The following PPP1R10 variants were observed in gnomAD, a reference collection of about 807,000 sequenced individuals.
PPP1R10 encodes the protein protein phosphatase 1 regulatory subunit 10.
PPP1R10 carries 15 observed loss-of-function variants against 99.0 expected under a neutral mutation model. The ratio of observed to expected loss-of-function variants is 0.15; its 90% CI spans 0.10 to 0.23. The LOEUF (loss-of-function observed/expected upper bound fraction) is 0.23. PPP1R10 is among the 10% of genes least tolerant of loss of function. PPP1R10 has a pLI of 1.00. For synonymous variants in PPP1R10, 430 were observed against 449.5 expected (o/e 0.96, Z 0.55); for missense variants, 947 against 1,259.4 (o/e 0.75, Z 3.75).
intron 2 of PPP1R10, among the ~76,000 whole-genome samples, chr6:30,611,996 G>A (rs188655235): frequency 2.0e-5 from 3 of 152,204 alleles, no homozygotes; most frequent in African/African-American, 7.2e-5. Context: ...AAAGAGATAC[G>A]ATAAAGGGAC....
At position 30,604,464 on chromosome 6, in the gene PPP1R10, C is replaced by T. The variant is rs149335457; in HGVS notation, c.1150G>A (p.Gly384Arg). The T allele has an allele frequency of 1.9e-6, 3 of 1,612,978 alleles. No homozygotes were observed. Among genetic ancestry groups the T allele is most frequent in the Non-Finnish European group, 2.5e-6 (3 of 1,180,028 alleles). Reference sequence around the variant, plus strand: ...TTCCGGGTCAGTTGGTTAGGATCTCCAGGACTCTCCACTGGCTTGGCATCC... The same window carrying T: ...TTCCGGGTCAGTTGGTTAGGATCTCTAGGACTCTCCACTGGCTTGGCATCC... ...ALDAKPVESP[G>R]DPNQLTRKGR... is the part of the protein sequence containing the mutation. Residue 384 changes from glycine (G) to arginine (R), a missense_variant, in exon 13 of 20, where the codon GGA becomes AGA. Around this residue, in one of 10 missense-constraint regions of PPP1R10, gnomAD observed 100 missense variants for 105.8 expected, o/e 0.94. Coordinates refer to ENST00000376511, the MANE Select transcript of PPP1R10 (RefSeq NM_002714.4). This position sits in a 1 kb window ranked among gnomAD's most constrained non-coding sequence, Gnocchi z 7.3.
intron 2 of PPP1R10, among the ~76,000 whole-genome samples, chr6:30,610,449 T>C (rs1297096243): frequency 1.3e-5 from 2 of 152,344 alleles, no homozygotes; most frequent in Admixed American, 1.3e-4. Context: ...ACTTGAGTCC[T>C]TTTTATCTTA....
Position 30,602,309 on chromosome 6 carries a change from C to G in PPP1R10, c.2340G>C (p.Gly780=), listed in dbSNP as rs1803422779. The change falls in exon 19 of 20, where the codon GGG becomes GGC. Residue 780 remains glycine (G), a synonymous_variant. Coordinates refer to ENST00000376511, the MANE Select transcript of PPP1R10 (RefSeq NM_002714.4). This position sits in a 1 kb window ranked among gnomAD's most constrained non-coding sequence, Gnocchi z 6.7. The part of the protein sequence containing the change: ...HEGPGGGMGS[G]HRPHEGPGGS... Reference sequence around the variant, plus strand: ...CACCAGGGCCTTCATGGGGGCGATGCCCACTTCCCATGCCACCGCCAGGGC... The same window carrying G: ...CACCAGGGCCTTCATGGGGGCGATGGCCACTTCCCATGCCACCGCCAGGGC... 1 of 1,608,404 alleles carries G rather than the reference C, an allele frequency of 6.2e-7. No homozygotes were observed.
chr6:30,609,936 C>G lies in PPP1R10; in HGVS notation c.9G>C (p.Ser3=), dbSNP rs746354550. 2.5e-6 allele frequency: 4 copies of G among 1,613,502 alleles called. No homozygotes were observed. The highest frequency in any genetic ancestry group is 1.1e-5 in the South Asian group (1 of 91,070). MG[S]GPIDPKELLK... is the part of the protein sequence containing the mutation. ...GAAGTTCTTTGGGGTCTATGGGACC[C>G]GAACCCATGATGGTGGTTTCTATGG... is the stretch of plus-strand genomic sequence containing the variant. Residue 3 remains serine, a synonymous_variant, in exon 3 of 20, where the codon TCG becomes TCC. Transcript: ENST00000376511. This position sits in a 1 kb window ranked among gnomAD's most constrained non-coding sequence, Gnocchi z 4.5.
At position 30,606,009 on chromosome 6, in the gene PPP1R10, G is replaced by A. The variant is rs368722075; in HGVS notation, c.767C>T (p.Thr256Ile). The change falls in exon 10 of 20, where the codon ACT (threonine) becomes ATT (isoleucine). Residue 256 changes from threonine (T) to isoleucine (I), a missense_variant. Transcript: ENST00000376511. This position sits in a 1 kb window ranked among gnomAD's most constrained non-coding sequence, Gnocchi z 6.3. ...QSNVAAPGDATPPAEKKYKPL... is the reference protein window; with the variant it reads ...QSNVAAPGDAIPPAEKKYKPL... ...CTTGTATTTCTTCTCTGCAGGGGGA[G>A]TGGCATCTCCTGGAGCAGCTACGTT... 1.4e-5 allele frequency: 22 copies of A among 1,613,954 alleles called. No homozygotes were observed. In the Admixed American group the frequency reaches 1.5e-4, roughly 11 times the overall value.
intron 17 of PPP1R10, 96 bp from the exon 18 acceptor site, chr6:30,603,055 C>G (rs1803537523): frequency 6.6e-6 from 9 of 1,373,992 alleles, no homozygotes; most frequent in Non-Finnish European, 8.0e-6. Flanking sequence ...TCAAACCAAC[C>G]TGGCAGAGCA....
Position 30,606,784 on chromosome 6 carries a change from G to C in PPP1R10, c.455C>G (p.Pro152Arg). 6.2e-7 allele frequency: 1 copy of C among 1,613,980 alleles called. No homozygotes were observed. The highest frequency in any genetic ancestry group is 2.2e-5 in the East Asian group (1 of 44,880). ...TAAAGGACTAAGGAGCTTACCAGCA[G>C]GCTGGGTACTGCTCTGAGAGCGGAT... ...AVIRSQSSTQ[P>R]AEKDKKKRKD... The change falls in exon 7 of 20, where the codon CCT (proline) becomes CGT (arginine). Residue 152 changes from proline to arginine, a missense_variant. Pro to Arg is a moderately radical substitution (Grantham distance 103). Transcript: ENST00000376511. This position sits in a 1 kb window ranked among gnomAD's most constrained non-coding sequence, Gnocchi z 6.3.
In PPP1R10 at chr6:30,609,198, G is replaced by T; in HGVS notation, c.108-35C>A. The stretch of plus-strand genomic sequence containing the variant: ...ATGAGTTAGGGTTAGAAATGAAGCA[G>T]CCAGTATCTCTTCTCTTAGCAAAAG... On this transcript the variant is annotated intron_variant, in intron 3 of 19. Transcript: ENST00000376511. The surrounding 1 kb of genome is among the most constrained non-coding windows in gnomAD (Gnocchi z 4.5). 1 of 1,599,204 alleles carries T rather than the reference G, an allele frequency of 6.3e-7. No homozygotes were observed. Among genetic ancestry groups the T allele is most frequent in the Non-Finnish European group, 8.6e-7 (1 of 1,167,614 alleles).
intron 5 of PPP1R10, among the ~76,000 whole-genome samples, chr6:30,608,348 C>T (rs1258679274): frequency 6.7e-6 from 1 of 149,340 alleles, no homozygotes; most frequent in East Asian, 2.0e-4. Flanking sequence ...GTCGCCCAGG[C>T]TGGAGTGCAG....
At chr6:30,605,841 C>CA (rs1440422268) in intron 10 of PPP1R10, 82 bp downstream of exon 10, 1 of 1,332,488 alleles carries the variant, frequency 7.5e-7, no homozygotes, top group African/African-American at 1.7e-5. Context: ...GCCTGGGTGA[C>CA]AGAGTGAGAC....
rs1803299805 is a variant in PPP1R10, at chr6:30,601,430, G to T, written c.*119C>A. 2 of 787,894 alleles carry T rather than the reference G, an allele frequency of 2.5e-6. No homozygotes were observed. The highest frequency in any genetic ancestry group is 4.1e-6 in the Non-Finnish European group (2 of 484,860). The allele number at this position is 787,894 out of a possible 1,614,324, so 48.8% of individuals were successfully genotyped here. On this transcript the variant is annotated 3_prime_UTR_variant, in exon 20 of 20. Coordinates refer to ENST00000376511, the MANE Select transcript of PPP1R10 (RefSeq NM_002714.4). ...GAACCCAAGCAAGTGGGAACTGAGG[G>T]GGCCGGCTCCTCATCAGCTGGGGAA...
Position 30,602,083 on chromosome 6 carries a change from G to A in PPP1R10, c.2566C>T (p.Pro856Ser). ...ACATCATGAGGCCGGTGGCCATGGGGCCCCCCGTGTCCAGGGCCTTCATGG... is the reference window on the plus strand; with the variant it reads ...ACATCATGAGGCCGGTGGCCATGGGACCCCCCGTGTCCAGGGCCTTCATGG... ...RPHEGPGHGGPHGHRPHDVPG... is the reference protein window; with the variant it reads ...RPHEGPGHGGSHGHRPHDVPG... The change falls in exon 19 of 20, where the codon CCC becomes TCC. Residue 856 changes from proline to serine, a missense_variant. Physicochemically the swap from Pro to Ser is moderately conservative, Grantham distance 74. Coordinates refer to ENST00000376511, the MANE Select transcript of PPP1R10 (RefSeq NM_002714.4). The surrounding 1 kb of genome is among the most constrained non-coding windows in gnomAD (Gnocchi z 6.7). The A allele has an allele frequency of 6.3e-7, 1 of 1,579,326 alleles. No individual in the cohort carries two copies. The highest frequency in any genetic ancestry group is 8.6e-7 in the Non-Finnish European group (1 of 1,159,906).
Position 30,602,503 on chromosome 6 carries a change from G to A in PPP1R10, c.2146C>T (p.Pro716Ser). 1 of 1,575,298 alleles carries A rather than the reference G, an allele frequency of 6.3e-7. No homozygotes were observed. Among genetic ancestry groups the A allele is most frequent in the Non-Finnish European group, 8.6e-7 (1 of 1,158,608 alleles). ...CCTCGGAATGGAGGAGGAGGAGGAG[G>A]AGGTTCGTTTCCTCCTCGGCCACCT... The part of the protein sequence containing the change: ...GRGGRGGNEP[P>S]PPPPPFRGAR... Residue 716 changes from proline (P) to serine (S), a missense_variant, in exon 19 of 20, where the codon CCT becomes TCT. This residue lies in a region of PPP1R10 where 525 missense variants were observed against 578.8 expected (regional missense o/e 0.91). Coordinates refer to ENST00000376511, the MANE Select transcript of PPP1R10 (RefSeq NM_002714.4). The surrounding 1 kb of genome is among the most constrained non-coding windows in gnomAD (Gnocchi z 6.7).
Position 30,617,243 on chromosome 6 carries a change from T to C in PPP1R10, c.-552A>G, listed in dbSNP as rs1307786405. The C allele has an allele frequency of 6.5e-6, 1 of 153,512 alleles. No homozygotes were observed. The highest frequency in any genetic ancestry group is 1.5e-5 in the Non-Finnish European group (1 of 68,476). The allele number at this position is 153,512 out of a possible 1,614,324, so 9.5% of individuals were successfully genotyped here. On this transcript the variant is annotated 5_prime_UTR_variant, in exon 1 of 20. Coordinates refer to ENST00000376511, the MANE Select transcript of PPP1R10 (RefSeq NM_002714.4). ...ACTTACCTCTAAACGAACCCCAGAA[T>C]GGCGGCCGCCCGCTCGGGTGGAGTC...
intron 17 of PPP1R10, 99 bp from the exon 18 acceptor site, chr6:30,603,058 G>T: frequency 1.5e-6 from 2 of 1,353,264 alleles, no homozygotes; most frequent in Non-Finnish European, 2.1e-6. Context: ...AACCAACCTG[G>T]CAGAGCAATG....
At position 30,604,092 on chromosome 6, in the gene PPP1R10, G is replaced by T. The variant is rs779493275; in HGVS notation, c.1424C>A (p.Thr475Asn). 2.5e-6 allele frequency: 4 copies of T among 1,614,002 alleles called. No individual in the cohort carries two copies. The highest frequency in any genetic ancestry group is 2.5e-6 in the Non-Finnish European group (3 of 1,179,988). The stretch of plus-strand genomic sequence containing the variant: ...TCGCTCCTGACTATTGCTTCCAGGG[G>T]TGACAAGAGGTGAGGGCAGAACCAG... ...RPLVLPSPLV[T>N]PGSNSQERYI... The change falls in exon 14 of 20, where the codon ACC becomes AAC. Residue 475 changes from threonine (T) to asparagine (N), a missense_variant. This residue lies in a region of PPP1R10 where 50 missense variants were observed against 78.6 expected (regional missense o/e 0.64). Coordinates refer to ENST00000376511, the MANE Select transcript of PPP1R10 (RefSeq NM_002714.4). This position sits in a 1 kb window ranked among gnomAD's most constrained non-coding sequence, Gnocchi z 7.3.
At chr6:30,607,181 T>TC (rs758516758) in intron 6 of PPP1R10, among the ~76,000 whole-genome samples, 118 of 152,328 alleles carry the variant, frequency 7.7e-4, no homozygotes, top group Non-Finnish European at 1.2e-3. Context: ...ACTGCTTGGG[T>TC]GATGAGTGTA....
chr6:30,602,834 C>G lies in PPP1R10; in HGVS notation c.1957+12G>C. 2.6e-6 allele frequency: 4 copies of G among 1,551,950 alleles called. No homozygotes were observed. Among genetic ancestry groups the G allele is most frequent in the Non-Finnish European group, 3.5e-6 (4 of 1,146,122 alleles). ...CAGATAAGCCCATTCCAACCTTTTACTCACCACCTACCTGGCATAGGTCCC... is the reference window on the plus strand; with the variant it reads ...CAGATAAGCCCATTCCAACCTTTTAGTCACCACCTACCTGGCATAGGTCCC... On this transcript the variant is annotated intron_variant, in intron 18 of 19. Coordinates refer to ENST00000376511, the MANE Select transcript of PPP1R10 (RefSeq NM_002714.4). The surrounding 1 kb of genome is among the most constrained non-coding windows in gnomAD (Gnocchi z 6.7).
At position 30,609,416 on chromosome 6, in the gene PPP1R10, A is replaced by T. The variant is rs1465981362; in HGVS notation, c.108-253T>A. Among the ~76,000 whole-genome samples the T allele has an allele frequency of 6.6e-6, 1 of 152,188 alleles. No homozygotes were observed. The highest frequency in any genetic ancestry group is 1.5e-5 in the Non-Finnish European group (1 of 68,028). ...CTCCGTAACACACAGGATGAATTCC[A>T]TTCTGCCTCCAGGTGATAAGGCTAT... On this transcript the variant is annotated intron_variant, in intron 3 of 19. Transcript: ENST00000376511. This position sits in a 1 kb window ranked among gnomAD's most constrained non-coding sequence, Gnocchi z 4.5.
Sources: allele counts gnomAD v4.1 joint callset (sites outside exome capture counted in the v4.1 genomes callset), GRCh38; gene constraint gnomAD v4.1.1; regional missense constraint gnomAD v4.1.1; non-coding constraint Gnocchi (gnomAD v3.1); transcripts MANE v1.5; gene names NCBI Gene and HGNC (gene_info 2026-07-23, HGNC 2026-07-21).